The following ADGRE3 variants were observed in gnomAD, a reference collection of about 807,000 sequenced individuals.
ADGRE3 encodes adhesion G protein-coupled receptor E3, also known as EGF-like module receptor 3.
Under a neutral mutation model 80.1 loss-of-function variants are expected in ADGRE3, and 88 were observed. The ratio of observed to expected loss-of-function variants is 1.10; its 90% CI spans 0.93 to 1.31. ADGRE3 has a LOEUF of 1.31. Ranked by LOEUF, ADGRE3 falls within the 40% of genes most tolerant of loss-of-function variation. The probability of loss-of-function intolerance (pLI) is 0.00; values close to 1 mark genes in which losing one functional copy is unlikely to be tolerated. For synonymous variants in ADGRE3, 281 were observed against 294.8 expected (o/e 0.95, Z 0.48); for missense variants, 715 against 776.5 (o/e 0.92, Z 0.94).
rs552487371 is a variant in ADGRE3 at position 14,640,773 on chromosome 19, C to G, written c.1248+646G>C. 1.0e-3 allele frequency among the ~76,000 whole-genome samples: 156 copies of G among 152,264 alleles called. 1 individual carries two copies. Among genetic ancestry groups the G allele is most frequent in the African/African-American group, 3.5e-3 (146 of 41,556 alleles). The stretch of plus-strand genomic sequence containing the variant: ...TTTGAATCATGGGGGCGGTTTTCCC[C>G]ATATTGTTCTCGTGGTAGGAAATAA... On this transcript the variant is annotated intron_variant, in intron 10 of 15. Coordinates refer to ENST00000253673, the MANE Select transcript of ADGRE3 (RefSeq NM_032571.5).
chr19:14,605,883 C>T, the ADGRE3 span, among the ~76,000 whole-genome samples: 1 of 152,030 alleles, frequency 6.6e-6, no homozygotes, highest in Non-Finnish European at 1.5e-5. Context: ...GGACTATAGA[C>T]ACGCACCACC....
chr19:14,600,279 T>G, the ADGRE3 span: 1 of 1,423,690 alleles, frequency 7.0e-7, no homozygotes, highest in Middle Eastern at 1.8e-4. Context: ...GGCAAGAAAT[T>G]AGAATTACTT....
At chr19:14,647,109 C>G (rs1217863226) in intron 8 of ADGRE3, 72 bp downstream of exon 8, 1 of 1,285,218 alleles carries the variant, frequency 7.8e-7, no homozygotes, top group Non-Finnish European at 1.1e-6. Flanking sequence ...GAACCACAGC[C>G]TGGGATGATA....
chr19:14,609,974 G>T, the ADGRE3 span: 1 of 958,162 alleles, frequency 1.0e-6, no homozygotes, highest in South Asian at 1.5e-5. Flanking sequence ...CAAATGCGTA[G>T]TGCCAGGTAT....
intron 9 of ADGRE3, among the ~76,000 whole-genome samples, chr19:14,642,321 G>C (rs1971277073): frequency 2.0e-5 from 3 of 152,066 alleles, no homozygotes; most frequent in Admixed American, 2.0e-4. Context: ...AGACCGACCT[G>C]AGCAACAAGT....
chr19:14,643,460 G>T (rs1971308690), intron 9 of ADGRE3, among the ~76,000 whole-genome samples: 1 of 151,656 alleles, frequency 6.6e-6, no homozygotes, highest in South Asian at 2.1e-4. Flanking sequence ...TCATATCTTT[G>T]CCCTGGGGTC....
At chr19:14,615,786 T>C (rs1179231342), downstream of ADGRE3, among the ~76,000 whole-genome samples, 2 of 150,312 alleles carry the variant, frequency 1.3e-5, no homozygotes, top group East Asian at 3.9e-4. Flanking sequence ...GAGAGACAGG[T>C]TCTCGCTGTG....
In ADGRE3 at chr19:14,647,656, G is replaced by C. The variant is rs528977953; in HGVS notation, c.698-291C>G. Reference sequence around the variant, plus strand: ...TGGTCTCAAACTCCTGACCTCAGGTGATCCACATGTCTTGGTCTCCCAAAG... The same window carrying C: ...TGGTCTCAAACTCCTGACCTCAGGTCATCCACATGTCTTGGTCTCCCAAAG... On this transcript the variant is annotated intron_variant, in intron 7 of 15. Transcript: ENST00000253673. Among the ~76,000 whole-genome samples, 9 of 151,742 alleles carry C rather than the reference G, an allele frequency of 5.9e-5. 1 individual carries two copies. Among genetic ancestry groups the C allele is most frequent in the African/African-American group, 2.2e-4 (9 of 41,470 alleles).
At chr19:14,658,757 CAG>C (rs1017008236) in intron 4 of ADGRE3, among the ~76,000 whole-genome samples, 5 of 151,886 alleles carry the variant, frequency 3.3e-5, no homozygotes, top group Non-Finnish European at 7.4e-5. Context: ...TATTTTGAGA[CAG>C]AGTCTCACTC....
In ADGRE3 at chr19:14,619,134, A is replaced by C; in HGVS notation, c.*299T>G. The C allele has an allele frequency of 2.7e-6, 1 of 367,734 alleles. No individual in the cohort carries two copies. Among genetic ancestry groups the C allele is most frequent in the South Asian group, 2.7e-5 (1 of 36,430 alleles). The allele number at this position is 367,734 out of a possible 1,614,324, so 22.8% of individuals were successfully genotyped here. ...AGCAAGTTTAGGATGAGTGGGACTAAGAACTTGAGGAAAAGGACCTCTTCA... is the reference window on the plus strand; with the variant it reads ...AGCAAGTTTAGGATGAGTGGGACTACGAACTTGAGGAAAAGGACCTCTTCA... On this transcript the variant is annotated 3_prime_UTR_variant, in exon 16 of 16. Coordinates refer to ENST00000253673, the MANE Select transcript of ADGRE3 (RefSeq NM_032571.5).
Position 14,643,991 on chromosome 19 carries a change from A to C in ADGRE3, c.1050+117T>G. On this transcript the variant is annotated intron_variant, in intron 9 of 15. Transcript: ENST00000253673. ...CTCCCAAAGTGCTGGGATTAAAGGC[A>C]TGAGTCACCATGCTCGGCCTTTTTT... 8.1e-6 allele frequency: 5 copies of C among 616,188 alleles called. No homozygotes were observed. The Admixed American group carries it at 1.7e-4, about 21-fold the overall frequency. 38.2% of individuals were successfully genotyped at this position (616,188 alleles called of 1,614,324 possible).
At chr19:14,624,567 C>A (rs1293121097) in intron 15 of ADGRE3, among the ~76,000 whole-genome samples, 2 of 151,528 alleles carry the variant, frequency 1.3e-5, no homozygotes. Context: ...CCAGCCTGGG[C>A]AACATAGGGA....
At chr19:14,604,813 G>T in the ADGRE3 span, among the ~76,000 whole-genome samples, 1 of 151,878 alleles carries the variant, frequency 6.6e-6, no homozygotes, top group African/African-American at 2.4e-5. Flanking sequence ...GATTAAAGAA[G>T]AAATCAAAAC....
At chr19:14,617,341 C>CTTTCTTT (rs1599593839), downstream of ADGRE3, among the ~76,000 whole-genome samples, 121 of 57,262 alleles carry the variant, frequency 2.1e-3, no homozygotes, top group East Asian at 0.014. Context: ...TCCCTCCCTC[C>CTTTCTTT]CTTTCTTTCT....
At chr19:14,617,091 C>G (rs11882500), downstream of ADGRE3, among the ~76,000 whole-genome samples, 14,374 of 151,594 alleles carry the variant, frequency 0.095, 723 homozygotes, top group African/African-American at 0.12. Context: ...CACCACACCC[C>G]ACCTTTTTTT....
intron 5 of ADGRE3, among the ~76,000 whole-genome samples, chr19:14,655,796 G>T (rs551367133): frequency 9.9e-5 from 15 of 151,914 alleles, no homozygotes; most frequent in Admixed American, 9.9e-4. Flanking sequence ...TGCCAACAAG[G>T]TAGTGATAAG....
intron 15 of ADGRE3, among the ~76,000 whole-genome samples, chr19:14,620,537 T>TTA (rs1555753091): frequency 2.7e-4 from 5 of 18,450 alleles, no homozygotes; most frequent in Non-Finnish European, 4.5e-4. Context: ...TATATATATT[T>TTA]TATATATATA....
At chr19:14,648,087 C>CAA (rs60371636) in intron 7 of ADGRE3, among the ~76,000 whole-genome samples, 48,530 of 108,120 alleles carry the variant, frequency 0.45, 11,285 homozygotes, top group South Asian at 0.62. Flanking sequence ...ATCTCAAAGA[C>CAA]AAAAAAAAAA....
chr19:14,659,943 A>T (rs1971897029), intron 4 of ADGRE3, among the ~76,000 whole-genome samples: 1 of 151,022 alleles, frequency 6.6e-6, no homozygotes. Flanking sequence ...AGCTCAGTCT[A>T]TTTGCTTAAA....
Sources: allele counts gnomAD v4.1 joint callset (sites outside exome capture counted in the v4.1 genomes callset), GRCh38; gene constraint gnomAD v4.1.1; transcripts MANE v1.5; gene names NCBI Gene and HGNC (gene_info 2026-07-23, HGNC 2026-07-21).